The following CEP63 variants were observed in gnomAD, a reference collection of about 807,000 sequenced individuals.
CEP63 encodes the protein centrosomal protein 63, also known as centrosomal protein of 63 kDa.
A neutral mutation model predicts 89.1 loss-of-function variants in CEP63; 84 were observed. That is an observed-to-expected ratio of 0.94 (90% confidence interval 0.79 to 1.13). The LOEUF is 1.13. Ranked by LOEUF, CEP63 falls within the 50% of genes most tolerant of loss-of-function variation. CEP63 has a pLI of 0.00. For missense variants in CEP63, 838 were observed against 813.3 expected, an observed-to-expected ratio of 1.03 and a Z score of -0.37; for synonymous variants, 267 against 272.5, an observed-to-expected ratio of 0.98 and a Z score of 0.20.
intron 3 of CEP63, among the ~76,000 whole-genome samples, chr3:134,524,383 A>G (rs1248923260): frequency 6.6e-6 from 1 of 151,938 alleles, no homozygotes; most frequent in Admixed American, 6.6e-5. Flanking sequence ...TTATTTCTTT[A>G]TTTTGCCTGA....
chr3:134,680,502 G>T, the CEP63 span, among the ~76,000 whole-genome samples: 40,117 of 151,982 alleles, frequency 0.26, 5,447 homozygotes, highest in African/African-American at 0.32. Context: ...CTCCCCGAGG[G>T]GTCTGGGGCA....
chr3:134,748,782 C>T, the CEP63 span, among the ~76,000 whole-genome samples: 2 of 152,162 alleles, frequency 1.3e-5, no homozygotes, highest in African/African-American at 4.8e-5. Context: ...GTGACCCTGT[C>T]CTCAAGGAGC....
At chr3:134,653,199 G>C in the CEP63 span, among the ~76,000 whole-genome samples, 2 of 152,198 alleles carry the variant, frequency 1.3e-5, no homozygotes, top group Non-Finnish European at 2.9e-5. Flanking sequence ...CTTTGGTGGG[G>C]CTTTCCTGTA....
intron 3 of CEP63, among the ~76,000 whole-genome samples, chr3:134,516,730 G>A (rs368479500): frequency 2.5e-4 from 38 of 152,324 alleles, no homozygotes; most frequent in African/African-American, 8.4e-4. Context: ...AGTTGACACA[G>A]CACATGTTTC....
At chr3:134,663,587 G>C in the CEP63 span, among the ~76,000 whole-genome samples, 1 of 152,348 alleles carries the variant, frequency 6.6e-6, no homozygotes, top group African/African-American at 2.4e-5. Context: ...CGTCTGCTCA[G>C]AAACCTACTT....
At chr3:134,545,859 A>G in intron 7 of CEP63, 40 bp downstream of exon 7, 1 of 1,431,106 alleles carries the variant, frequency 7.0e-7, no homozygotes, top group Non-Finnish European at 9.7e-7. Context: ...AAGTGTGTGT[A>G]TGAGTATTTT....
the CEP63 span, among the ~76,000 whole-genome samples, chr3:134,694,002 G>A: frequency 1.3e-5 from 2 of 152,176 alleles, no homozygotes; most frequent in African/African-American, 4.8e-5. Context: ...GCCATCCCAC[G>A]GGCATGTGGG....
At chr3:134,635,461 CAGTCCAGCCTGGACAACAG>C in the CEP63 span, among the ~76,000 whole-genome samples, 1 of 135,098 alleles carries the variant, frequency 7.4e-6, no homozygotes, top group Non-Finnish European at 1.5e-5. Flanking sequence ...CGTGCCACTG[CAGTCCAGCCTGGACAACAG>C]AGCGAGACTC....
chr3:134,554,502 C>G (rs369036756), intron 12 of CEP63, among the ~76,000 whole-genome samples: 18 of 147,712 alleles, frequency 1.2e-4, no homozygotes, highest in Admixed American at 5.4e-4. Context: ...ATTTGGGTTG[C>G]TTCCAAGTCT....
the CEP63 span, among the ~76,000 whole-genome samples, chr3:134,768,868 C>T: frequency 6.6e-6 from 1 of 152,020 alleles, no homozygotes; most frequent in African/African-American, 2.4e-5. Context: ...CACATGAGCT[C>T]CTCCATAGCA....
chr3:134,595,693 G>A, the CEP63 span, among the ~76,000 whole-genome samples: 7 of 152,126 alleles, frequency 4.6e-5, no homozygotes, highest in African/African-American at 1.7e-4. Context: ...CCCTGTCTAG[G>A]TGGCCTTCTC....
chr3:134,582,867 C>T, intron 10 of CEP63, among the ~76,000 whole-genome samples: 1 of 152,180 alleles, frequency 6.6e-6, no homozygotes, highest in Non-Finnish European at 1.5e-5. Flanking sequence ...TAATGATTGC[C>T]ATTCTAACTG....
At chr3:134,607,213 T>C in the CEP63 span, 3 of 985,486 alleles carry the variant, frequency 3.0e-6, no homozygotes, top group Non-Finnish European at 3.6e-6. Context: ...ATTCTCAAAT[T>C]GAGCAACTTC....
the CEP63 span, among the ~76,000 whole-genome samples, chr3:134,775,217 G>T: frequency 2.6e-5 from 4 of 152,264 alleles, no homozygotes; most frequent in Non-Finnish European, 5.9e-5. Flanking sequence ...TCTCGTTCAC[G>T]TGATTTAGTG....
At position 134,558,342 on chromosome 3, in the gene CEP63, G is replaced by A; in HGVS notation, c.1668G>A (p.Glu556=). 6.3e-7 allele frequency: 1 copy of A among 1,599,156 alleles called. No homozygotes were observed. The highest frequency in any genetic ancestry group is 1.7e-4 in the Middle Eastern group (1 of 5,976). Residue 556 remains glutamate, a synonymous_variant, in exon 13 of 15, where the codon GAG becomes GAA. Coordinates refer to ENST00000675561, the MANE Select transcript of CEP63 (RefSeq NM_001353108.3). ...HSRTTEFKNT[E]FKPTHGQHRH... is the part of the protein sequence containing the mutation. ...GAACAACTGAGTTCAAGAATACAGA[G>A]TTCAAGTAAAATTTTTTAAAAGTTT...
chr3:134,520,654 T>G (rs1263743850), intron 3 of CEP63, among the ~76,000 whole-genome samples: 1 of 152,122 alleles, frequency 6.6e-6, no homozygotes, highest in African/African-American at 2.4e-5. Flanking sequence ...AAAAACTATA[T>G]TAAGACAGTG....
the CEP63 span, among the ~76,000 whole-genome samples, chr3:134,686,819 G>T: frequency 6.6e-6 from 1 of 152,094 alleles, no homozygotes; most frequent in Admixed American, 6.5e-5. Flanking sequence ...ACCATTTTAG[G>T]GACGGAGAAA....
the CEP63 span, among the ~76,000 whole-genome samples, chr3:134,741,212 C>A: frequency 1.3e-5 from 2 of 152,202 alleles, no homozygotes; most frequent in Non-Finnish European, 2.9e-5. Context: ...GCCAAGACAA[C>A]CAAGGCCCAT....
chr3:134,741,975 A>T, the CEP63 span, among the ~76,000 whole-genome samples: 1 of 149,802 alleles, frequency 6.7e-6, no homozygotes, highest in East Asian at 1.9e-4. Flanking sequence ...CTGTGGAGAG[A>T]TCTGAGAGAC....
Sources: allele counts gnomAD v4.1 joint callset (sites outside exome capture counted in the v4.1 genomes callset), GRCh38; gene constraint gnomAD v4.1.1; transcripts MANE v1.5; gene names NCBI Gene and HGNC (gene_info 2026-07-23, HGNC 2026-07-21).